The following FBXO22 variants were observed in gnomAD, a reference collection of about 807,000 sequenced individuals.
FBXO22 encodes the protein F-box protein 22, also known as F-box only protein 22.
FBXO22 carries 13 observed loss-of-function variants against 37.2 expected under a neutral mutation model. The ratio of observed to expected loss-of-function variants is 0.35; its 90% CI spans 0.23 to 0.56. FBXO22 has a LOEUF of 0.56. Among genes scored for constraint, FBXO22 ranks in the 20% least tolerant of loss-of-function variants. The pLI is 0.87. For synonymous variants in FBXO22, 189 were observed against 189.1 expected, an observed-to-expected ratio of 1.00 and a Z score of 0.00; for missense variants, 446 against 509.9, an observed-to-expected ratio of 0.87 and a Z score of 1.21.
intron 2 of FBXO22, among the ~76,000 whole-genome samples, chr15:75,905,927 T>A (rs953542694): frequency 6.6e-6 from 1 of 152,214 alleles, no homozygotes; most frequent in East Asian, 1.9e-4. Flanking sequence ...TTCACTAAAA[T>A]CACTCTTCTA....
chr15:75,927,108 CG>C (rs1046061019), intron 5 of FBXO22, among the ~76,000 whole-genome samples: 2 of 151,992 alleles, frequency 1.3e-5, no homozygotes, highest in Admixed American at 1.3e-4. Flanking sequence ...CTTTCCTGGT[CG>C]GGGGGAGGGG....
chr15:75,909,950 T>C (rs1015557437), intron 2 of FBXO22, among the ~76,000 whole-genome samples: 1 of 152,160 alleles, frequency 6.6e-6, no homozygotes, highest in Non-Finnish European at 1.5e-5. Flanking sequence ...TGGTGTGTGA[T>C]GTTCCCTTCC....
In FBXO22 at chr15:75,939,604, C is replaced by T. The variant is rs1428087941; in HGVS notation, c.*6502C>T. On this transcript the variant is annotated 3_prime_UTR_variant, in exon 7 of 7. Coordinates refer to ENST00000308275, the MANE Select transcript of FBXO22 (RefSeq NM_147188.3). ...GATACTACAAGAAAAGATTACAGACCAGTTATTCCTTATGATCGCTGATTC... is the reference window on the plus strand; with the variant it reads ...GATACTACAAGAAAAGATTACAGACTAGTTATTCCTTATGATCGCTGATTC... The T allele has an allele frequency of 1.3e-5, 2 of 152,090 alleles. No homozygotes were observed. The highest frequency in any genetic ancestry group is 2.9e-5 in the Non-Finnish European group (2 of 67,982). 9.4% of individuals were successfully genotyped at this position (152,090 alleles called of 1,614,324 possible). A position where few individuals can be genotyped will look rare whatever the true frequency, so the allele number is the denominator to read the frequency against.
At chr15:75,904,170 G>C in intron 1 of FBXO22, 67 bp downstream of exon 1, 1 of 1,473,308 alleles carries the variant, frequency 6.8e-7, no homozygotes, top group Non-Finnish European at 9.0e-7. Flanking sequence ...CCAGGCTGGC[G>C]GGGTGGGGGG....
chr15:75,936,574 A>G lies in FBXO22; in HGVS notation c.*3472A>G, dbSNP rs960061839. ...AATAAGTATCACTTAATATTTTGGT[A>G]TGGAAACTTTTTTTTTTTTGAGAGA... is the stretch of plus-strand genomic sequence containing the variant. On this transcript the variant is annotated 3_prime_UTR_variant, in exon 7 of 7. Coordinates refer to ENST00000308275, the MANE Select transcript of FBXO22 (RefSeq NM_147188.3). 3 of 152,064 alleles carry G rather than the reference A, an allele frequency of 2.0e-5. No individual in the cohort carries two copies. The highest frequency in any genetic ancestry group is 4.4e-5 in the Non-Finnish European group (3 of 68,016). The allele number at this position is 152,064 out of a possible 1,614,324, so 9.4% of individuals were successfully genotyped here. A position where few individuals can be genotyped will look rare whatever the true frequency, so the allele number is the denominator to read the frequency against.
chr15:75,913,029 A>T (rs1900097964), intron 2 of FBXO22, among the ~76,000 whole-genome samples, 174 bp from the exon 3 acceptor site: 1 of 152,178 alleles, frequency 6.6e-6, no homozygotes, highest in African/African-American at 2.4e-5. Context: ...TTTGCCCAGT[A>T]GTCATTCAGT....
Position 75,933,869 on chromosome 15 carries a change from G to A in FBXO22, c.*767G>A. 1 of 169,352 alleles carries A rather than the reference G, an allele frequency of 5.9e-6. No homozygotes were observed. Among genetic ancestry groups the A allele is most frequent in the South Asian group, 1.2e-4 (1 of 8,550 alleles). 10.5% of individuals were successfully genotyped at this position (169,352 alleles called of 1,614,324 possible). On this transcript the variant is annotated 3_prime_UTR_variant, in exon 7 of 7. Transcript: ENST00000308275. Reference sequence around the variant, plus strand: ...ATTTCATTGCTTTTGGATGAACAAAGGAAGTAAACTAATCCTTTATAAATG... The same window carrying A: ...ATTTCATTGCTTTTGGATGAACAAAAGAAGTAAACTAATCCTTTATAAATG...
chr15:75,933,253 A>G lies in FBXO22; in HGVS notation c.*151A>G, dbSNP rs765857687. On this transcript the variant is annotated 3_prime_UTR_variant, in exon 7 of 7. Transcript: ENST00000308275. ...TGCTCTAAGATCACATGAGGGTAGT[A>G]TTTAATATATTAGATGAAGGACAAC... is the stretch of plus-strand genomic sequence containing the variant. 24 of 658,698 alleles carry G rather than the reference A, an allele frequency of 3.6e-5. No individual in the cohort carries two copies. The highest frequency in any genetic ancestry group is 2.5e-4 in the East Asian group (9 of 35,424). The allele number at this position is 658,698 out of a possible 1,614,324, so 40.8% of individuals were successfully genotyped here. A position where few individuals can be genotyped will look rare whatever the true frequency, so the allele number is the denominator to read the frequency against.
chr15:75,919,844 A>G (rs765005512), intron 5 of FBXO22, among the ~76,000 whole-genome samples: 1 of 152,150 alleles, frequency 6.6e-6, no homozygotes, highest in Admixed American at 6.5e-5. Context: ...ACAATTAACG[A>G]TGGCCAATGT....
chr15:75,930,026 C>T lies in FBXO22; in HGVS notation c.771C>T (p.Asn257=), dbSNP rs1322653740. The T allele has an allele frequency of 1.2e-6, 2 of 1,613,978 alleles. No homozygotes were observed. Among genetic ancestry groups the T allele is most frequent in the South Asian group, 1.1e-5 (1 of 91,086 alleles). The part of the protein sequence containing the change: ...NIILAGGQVD[N]LSSLTSEKNP... ...TCTTGGCTGGAGGCCAGGTGGACAA[C>T]CTGTCATCACTGACTTCTGAAAAGT... Residue 257 remains asparagine (N), a synonymous_variant, in exon 6 of 7, where the codon AAC becomes AAT. Coordinates refer to ENST00000308275, the MANE Select transcript of FBXO22 (RefSeq NM_147188.3).
chr15:75,939,741 CAATAT>C lies in FBXO22; in HGVS notation c.*6646_*6650del, dbSNP rs1442646978. 9.2e-5 allele frequency: 14 copies of C among 152,192 alleles called. No individual in the cohort carries two copies. The highest frequency in any genetic ancestry group is 2.9e-4 in the African/African-American group (12 of 41,528). 9.4% of individuals were successfully genotyped at this position (152,192 alleles called of 1,614,324 possible). ...CAAGGATTGTTCAACATACAAAAATCAATATAATATACTACATTAACAGAACGAAG... is the reference window on the plus strand; with the variant it reads ...CAAGGATTGTTCAACATACAAAAATCAATATACTACATTAACAGAACGAAG... On this transcript the variant is annotated 3_prime_UTR_variant, in exon 7 of 7. Transcript: ENST00000308275.
rs776429552 is a variant in FBXO22 at position 75,933,067 on chromosome 15, A to G, written c.1177A>G (p.Ile393Val). ...DDDLFHSYTT[I>V]MALIHLGSSK Reference sequence around the variant, plus strand: ...TGATCTGTTTCATAGCTATACAACAATAATGGCACTCATACATCTGGGGTC... The same window carrying G: ...TGATCTGTTTCATAGCTATACAACAGTAATGGCACTCATACATCTGGGGTC... Residue 393 changes from isoleucine to valine, a missense_variant, in exon 7 of 7, where the codon ATA becomes GTA. Ile to Val is a conservative substitution (Grantham distance 29, BLOSUM62 3). Transcript: ENST00000308275. 1.5e-5 allele frequency: 25 copies of G among 1,613,574 alleles called. No individual in the cohort carries two copies. Among genetic ancestry groups the G allele is most frequent in the East Asian group, 6.7e-5 (3 of 44,892 alleles).
intron 5 of FBXO22, among the ~76,000 whole-genome samples, chr15:75,919,172 A>G (rs557955585): frequency 6.6e-6 from 1 of 152,162 alleles, no homozygotes; most frequent in African/African-American, 2.4e-5. Context: ...GGGTTTTACC[A>G]TGTTAGCCAG....
At chr15:75,930,966 T>C (rs2029987679) in intron 6 of FBXO22, 2 of 631,772 alleles carry the variant, frequency 3.2e-6, no homozygotes, top group Middle Eastern at 8.6e-4. Context: ...TTGAGGTCCC[T>C]GGACTGCCAG....
intron 2 of FBXO22, among the ~76,000 whole-genome samples, chr15:75,908,155 A>G (rs1225285895): frequency 3.3e-5 from 5 of 152,118 alleles, no homozygotes; most frequent in Admixed American, 1.3e-4. Flanking sequence ...AACTCTCAGG[A>G]CCAGACTTTT....
chr15:75,911,577 G>A (rs527512592), intron 2 of FBXO22, among the ~76,000 whole-genome samples: 104 of 152,164 alleles, frequency 6.8e-4, no homozygotes, highest in African/African-American at 2.4e-3. Context: ...TCTGTTATTG[G>A]TGTTTAGAAA....
At chr15:75,914,056 C>G (rs1595912782) in intron 3 of FBXO22, 54 bp from the exon 4 acceptor site, 1 of 1,309,964 alleles carries the variant, frequency 7.6e-7, no homozygotes, top group East Asian at 2.4e-5. Flanking sequence ...TTTTCATTCT[C>G]AGATTTGACT....
intron 2 of FBXO22, chr15:75,905,647 A>G (rs919335753): frequency 9.2e-5 from 14 of 152,156 alleles, no homozygotes; most frequent in African/African-American, 3.4e-4. Context: ...CCCAATTGCA[A>G]TTTGCTCTGA....
rs199887271 is a variant in FBXO22 at position 75,913,278 on chromosome 15, G to T, written c.355G>T (p.Gly119Cys). 3 of 1,606,716 alleles carry T rather than the reference G, an allele frequency of 1.9e-6. No individual in the cohort carries two copies. Among genetic ancestry groups the T allele is most frequent in the East Asian group, 4.5e-5 (2 of 44,816 alleles). ...ETFISLEECR[G>C]HKRARKRTSM... ...TTTCATTAGTCTGGAAGAGTGTCGT[G>T]GCCATAAGAGAGGTAAATATCAAAA... Residue 119 changes from glycine to cysteine, a missense_variant, in exon 3 of 7, where the codon GGC (glycine) becomes TGC (cysteine). By Grantham distance (159) the Gly-to-Cys change is radical. Transcript: ENST00000308275.
Sources: gnomAD v4.1 joint callset for allele counts (sites outside exome capture counted in the v4.1 genomes callset) on GRCh38, gnomAD v4.1.1 for gene constraint, MANE v1.5 for transcripts, NCBI Gene and HGNC (gene_info 2026-07-23, HGNC 2026-07-21) for gene names.